TBXAS1: variants seen among roughly 807,000 people sequenced by gnomAD.
The protein encoded by TBXAS1 is thromboxane-A synthase.
Under a neutral mutation model 60.7 loss-of-function variants are expected in TBXAS1, and 48 were observed. That is an observed-to-expected ratio of 0.79 (90% CI 0.63 to 1.01). The LOEUF (loss-of-function observed/expected upper bound fraction) is 1.01. Ranked by LOEUF, TBXAS1 falls within the 50% of genes least tolerant of loss-of-function variation. The pLI, the probability that TBXAS1 is intolerant of heterozygous loss-of-function variation, is 0.00. For missense variants in TBXAS1, 685 were observed against 686.3 expected (o/e 1.00, Z 0.02); for synonymous variants, 287 against 269.7 (o/e 1.06, Z -0.63).
At chr7:139,844,282 G>A (rs1473455553) in intron 1 of TBXAS1, among the ~76,000 whole-genome samples, 2 of 152,104 alleles carry the variant, frequency 1.3e-5, no homozygotes, top group Admixed American at 6.6e-5. Flanking sequence ...CTGTTCTATT[G>A]AGCACAAATC....
chr7:139,833,379 G>A (rs1798835757), intron 1 of TBXAS1, among the ~76,000 whole-genome samples: 1 of 151,804 alleles, frequency 6.6e-6, no homozygotes, highest in Non-Finnish European at 1.5e-5. Context: ...TAAAGCAACA[G>A]CAGTTAAAAG....
intron 11 of TBXAS1, among the ~76,000 whole-genome samples, chr7:140,016,095 A>G (rs61420576): frequency 0.024 from 3,641 of 152,134 alleles, 155 homozygotes; most frequent in African/African-American, 0.08. Context: ...TTGGGAGGCC[A>G]AGGTGGGCAG....
intron 4 of TBXAS1, among the ~76,000 whole-genome samples, chr7:139,809,357 TAGATAGATAGACAGAC>T (rs1318413937): frequency 4.7e-5 from 7 of 149,296 alleles, no homozygotes; most frequent in Middle Eastern, 3.4e-3. Context: ...GATAGATAGA[TAGATAGATAGACAGAC>T]AGAACCAACA....
At chr7:139,850,729 G>A (rs1366463577) in intron 1 of TBXAS1, among the ~76,000 whole-genome samples, 2 of 152,212 alleles carry the variant, frequency 1.3e-5, no homozygotes, top group Admixed American at 1.3e-4. Context: ...AAATTTGGAT[G>A]CTGAGATGGA....
intron 4 of TBXAS1, among the ~76,000 whole-genome samples, chr7:139,923,280 T>C (rs1806623832): frequency 6.6e-6 from 1 of 152,072 alleles, no homozygotes; most frequent in Non-Finnish European, 1.5e-5. Context: ...TGAGCCATGA[T>C]TCTGCCACTG....
chr7:139,962,625 A>G, intron 9 of TBXAS1: 2 of 301,570 alleles, frequency 6.6e-6, no homozygotes, highest in South Asian at 6.2e-5. Context: ...AGGAGAGCCA[A>G]GATAGAAGGC....
At position 139,986,799 on chromosome 7, in the gene TBXAS1, G is replaced by GTA. The variant is rs58751653; in HGVS notation, c.1135-20275_1135-20274dup. Among the ~76,000 whole-genome samples, 316 of 82,658 alleles carry GTA rather than the reference G, an allele frequency of 3.8e-3. 6 individuals are homozygous for GTA. The highest frequency in any genetic ancestry group is 9.8e-3 in the African/African-American group (214 of 21,920). 54.2% of individuals were successfully genotyped at this position (82,658 alleles called of 152,430 possible). Reference sequence around the variant, plus strand: ...TGTGTGTGTGTGTGTGTGTGTGTGTGTATATATATATATATATACACCATA... The same window carrying GTA: ...TGTGTGTGTGTGTGTGTGTGTGTGTGTATATATATATATATATATACACCATA... On this transcript the variant is annotated intron_variant, in intron 9 of 12. Transcript: ENST00000448866.
intron 3 of TBXAS1, among the ~76,000 whole-genome samples, chr7:139,891,269 A>G (rs1803591185): frequency 6.6e-6 from 1 of 150,530 alleles, no homozygotes; most frequent in South Asian, 2.1e-4. Flanking sequence ...ATATATATAT[A>G]TTTGTTCCCT....
chr7:139,924,438 A>G (rs1806727139), intron 4 of TBXAS1, among the ~76,000 whole-genome samples: 1 of 150,760 alleles, frequency 6.6e-6, no homozygotes, highest in South Asian at 2.1e-4. Context: ...CCTGTTTGCC[A>G]TTTGTATGTC....
chr7:139,899,330 C>G (rs531961330), intron 3 of TBXAS1, among the ~76,000 whole-genome samples: 1 of 152,322 alleles, frequency 6.6e-6, no homozygotes, highest in South Asian at 2.1e-4. Flanking sequence ...CAGGAACAGT[C>G]TATAGCTCGG....
chr7:139,779,211 C>T (rs909154053), intron 1 of TBXAS1, among the ~76,000 whole-genome samples: 1 of 152,230 alleles, frequency 6.6e-6, no homozygotes, highest in Admixed American at 6.5e-5. Context: ...AAAACAACCT[C>T]GTGATTTTCT....
At chr7:139,822,693 T>C (rs1214471060) in intron 4 of TBXAS1, among the ~76,000 whole-genome samples, 3 of 152,038 alleles carry the variant, frequency 2.0e-5, no homozygotes, top group Admixed American at 6.6e-5. Context: ...ATCCTTGACG[T>C]CCCCCTCTTC....
At chr7:139,969,295 T>A (rs1411957440) in intron 9 of TBXAS1, among the ~76,000 whole-genome samples, 3 of 152,144 alleles carry the variant, frequency 2.0e-5, no homozygotes, top group Non-Finnish European at 4.4e-5. Context: ...AAATATCTAA[T>A]TAAAATACAA....
At chr7:139,995,732 G>A (rs905153703) in intron 9 of TBXAS1, among the ~76,000 whole-genome samples, 1 of 152,196 alleles carries the variant, frequency 6.6e-6, no homozygotes, top group South Asian at 2.1e-4. Flanking sequence ...CTGATGCCAT[G>A]GGGCCTGGCT....
At chr7:139,910,559 C>A (rs1460019341) in intron 3 of TBXAS1, among the ~76,000 whole-genome samples, 1 of 152,172 alleles carries the variant, frequency 6.6e-6, no homozygotes, top group African/African-American at 2.4e-5. Context: ...ATCGCTTGAA[C>A]CCGGGAGGGG....
At chr7:139,845,091 T>A (rs116791903) in intron 1 of TBXAS1, among the ~76,000 whole-genome samples, 238 of 152,298 alleles carry the variant, frequency 1.6e-3, no homozygotes, top group African/African-American at 5.4e-3. Flanking sequence ...CCTCTCTCTA[T>A]CTGCTTTGCT....
chr7:139,833,003 C>A (rs1285886912), intron 1 of TBXAS1, among the ~76,000 whole-genome samples: 2 of 152,104 alleles, frequency 1.3e-5, no homozygotes, highest in Non-Finnish European at 2.9e-5. Context: ...CAAAACAGAA[C>A]CTCTTTAAAG....
intron 4 of TBXAS1, among the ~76,000 whole-genome samples, chr7:139,934,237 G>A (rs1377427571): frequency 6.6e-6 from 1 of 151,760 alleles, no homozygotes; most frequent in Non-Finnish European, 1.5e-5. Flanking sequence ...CCCCCAGGCT[G>A]GAGTGCAGTT....
rs867548413 is a variant in TBXAS1 at position 139,913,167 on chromosome 7, G to T, written c.333+1846G>T. 5.7e-6 allele frequency: 4 copies of T among 702,230 alleles called. No individual in the cohort carries two copies. In the Admixed American group the frequency reaches 6.0e-5, roughly 11 times the overall value. The allele number at this position is 702,230 out of a possible 1,614,324, so 43.5% of individuals were successfully genotyped here. A position where few individuals can be genotyped will look rare whatever the true frequency, so the allele number is the denominator to read the frequency against. On this transcript the variant is annotated intron_variant, in intron 4 of 12. Coordinates refer to ENST00000448866, the MANE Select transcript of TBXAS1 (RefSeq NM_001061.7). ...CTACCTCCATCCCTTCAGGATGGCC[G>T]AAGGAATTGCAGAAGTTTAACTGCT...
Sources: gnomAD v4.1 joint callset for allele counts (sites outside exome capture counted in the v4.1 genomes callset) on GRCh38, gnomAD v4.1.1 for gene constraint, MANE v1.5 for transcripts, NCBI Gene and HGNC (gene_info 2026-07-23, HGNC 2026-07-21) for gene names.